The following PRPS2 variants were observed in gnomAD, a reference collection of about 807,000 sequenced individuals.
PRPS2 encodes the protein phosphoribosyl pyrophosphate synthetase 2.
For synonymous variants in PRPS2, 111 were observed against 115.3 expected (o/e 0.96, Z 0.24); for missense variants, 104 against 271.5 (o/e 0.38, Z 4.34).
At position 12,791,423 on chromosome X, in the gene PRPS2, C is replaced by T. The variant is rs1356804138; in HGVS notation, c.-75C>T. 18 of 1,126,562 alleles carry T rather than the reference C, an allele frequency of 1.6e-5. No homozygotes were observed. The highest frequency in any genetic ancestry group is 2.1e-5 in the Non-Finnish European group (18 of 845,409). The allele number at this position is 1,126,562 out of a possible 1,213,427, so 92.8% of individuals were successfully genotyped here. The stretch of plus-strand genomic sequence containing the variant: ...GCTTTCCCGCTCCCGCAGCAGCAGC[C>T]TCCCGCGTCGCTGTCGCTGTTGCCT... On this transcript the variant is annotated 5_prime_UTR_variant, in exon 1 of 7. Transcript: ENST00000380668.
intron 1 of PRPS2, among the ~76,000 whole-genome samples, chrX:12,793,735 G>A (rs1228285169): frequency 8.9e-6 from 1 of 112,281 alleles, no homozygotes; most frequent in Admixed American, 9.4e-5. Context: ...TTCATGTAAG[G>A]GCCCCTTCTT....
At chrX:12,805,307 T>G (rs1054540401) in intron 2 of PRPS2, among the ~76,000 whole-genome samples, 2 of 112,736 alleles carry the variant, frequency 1.8e-5, no homozygotes, top group Non-Finnish European at 3.7e-5. Context: ...TTTGTAAAAG[T>G]TACTTAAACT....
At chrX:12,815,065 G>C (rs2042640718) in intron 4 of PRPS2, among the ~76,000 whole-genome samples, 1 of 112,456 alleles carries the variant, frequency 8.9e-6, no homozygotes, top group South Asian at 3.7e-4. Context: ...TCATTTGTTA[G>C]GAGTATGTAT....
rs1062629 is a variant in PRPS2, at chrX:12,823,176, G to C, written c.*380G>C. On this transcript the variant is annotated 3_prime_UTR_variant, in exon 7 of 7. Coordinates refer to ENST00000380668, the MANE Select transcript of PRPS2 (RefSeq NM_002765.5). ...TTCGAGGTTGCCAAAGGTGACTTCAGATTAAAGCCTTCTGTGTAAATATAT... is the reference window on the plus strand; with the variant it reads ...TTCGAGGTTGCCAAAGGTGACTTCACATTAAAGCCTTCTGTGTAAATATAT... The C allele has an allele frequency of 1.1e-4, 16 of 147,221 alleles. No homozygotes were observed. The East Asian group carries it at 3.2e-3, about 29-fold the overall frequency. 12.1% of individuals were successfully genotyped at this position (147,221 alleles called of 1,213,427 possible).
intron 2 of PRPS2, among the ~76,000 whole-genome samples, chrX:12,800,718 C>T (rs1464464946): frequency 8.9e-6 from 1 of 111,758 alleles, no homozygotes; most frequent in Non-Finnish European, 1.9e-5. Flanking sequence ...TCTGAAGCAG[C>T]ACACAAGATC....
At chrX:12,793,294 C>G (rs1278598978) in intron 1 of PRPS2, among the ~76,000 whole-genome samples, 1 of 112,696 alleles carries the variant, frequency 8.9e-6, no homozygotes. Context: ...CATGGTTAAT[C>G]TAGATCAGTT....
chrX:12,822,908 A>C lies in PRPS2; in HGVS notation c.*112A>C. The C allele has an allele frequency of 1.8e-6, 1 of 545,328 alleles. No homozygotes were observed. The highest frequency in any genetic ancestry group is 3.1e-6 in the Non-Finnish European group (1 of 321,973). 44.9% of individuals were successfully genotyped at this position (545,328 alleles called of 1,213,427 possible). On this transcript the variant is annotated 3_prime_UTR_variant, in exon 7 of 7. Transcript: ENST00000380668. ...TGATAGGTTAATCACTGGCAAAAGC[A>C]TCAGATCTTTGTATATGCTAAGATT...
At chrX:12,822,093 G>A in intron 6 of PRPS2, among the ~76,000 whole-genome samples, 1 of 112,407 alleles carries the variant, frequency 8.9e-6, no homozygotes, top group Middle Eastern at 4.6e-3. Context: ...CAGTAGTTTA[G>A]GATGGGAGTT....
rs1279808689 is a variant in PRPS2 at position 12,819,667 on chromosome X, C to T, written c.691C>T (p.His231Tyr). Residue 231 changes from histidine (H) to tyrosine (Y), a missense_variant, in exon 5 of 7, where the codon CAT (histidine) becomes TAT (tyrosine). By Grantham distance (83) the His-to-Tyr change is moderately conservative. Transcript: ENST00000380668. Reference protein sequence around the residue: ...DMADTCGTICHAADKLLSAGA... With the variant: ...DMADTCGTICYAADKLLSAGA... The stretch of plus-strand genomic sequence containing the variant: ...GGCTGACACTTGCGGCACCATCTGC[C>T]ATGCTGCGGACAAGTACGCAGGGCG... The T allele has an allele frequency of 3.3e-6, 4 of 1,210,634 alleles. No individual in the cohort carries two copies. The highest frequency in any genetic ancestry group is 4.5e-6 in the Non-Finnish European group (4 of 894,812).
At chrX:12,804,826 G>A (rs1485574740) in intron 2 of PRPS2, among the ~76,000 whole-genome samples, 2 of 111,619 alleles carry the variant, frequency 1.8e-5, no homozygotes, top group South Asian at 3.8e-4. Flanking sequence ...CTGCACAGCC[G>A]CAGGAGGAGC....
rs1438324889 is a variant in PRPS2 at position 12,810,099 on chromosome X, G to A, written c.483G>A (p.Glu161=). The A allele has an allele frequency of 2.5e-6, 3 of 1,212,207 alleles. No homozygotes were observed. The part of the protein sequence containing the change: ...VLQWIRENIA[E]WKNCIIVSPD... ...AGTGGATTCGGGAAAACATTGCCGA[G>A]TGGAAGAACTGTATCATTGTTTCAC... The change falls in exon 4 of 7, where the codon GAG becomes GAA. Residue 161 remains glutamate, a synonymous_variant. Transcript: ENST00000380668.
intron 2 of PRPS2, among the ~76,000 whole-genome samples, chrX:12,800,669 T>A (rs1419485321): frequency 8.9e-6 from 1 of 112,010 alleles, no homozygotes; most frequent in Non-Finnish European, 1.9e-5. Context: ...AATATGCTGC[T>A]TTTTATCTCC....
At chrX:12,817,214 G>A (rs1374490637) in intron 4 of PRPS2, among the ~76,000 whole-genome samples, 2 of 110,768 alleles carry the variant, frequency 1.8e-5, no homozygotes, top group African/African-American at 3.3e-5. Flanking sequence ...TTGTGGTTTG[G>A]TGTCCCTGAA....
intron 1 of PRPS2, among the ~76,000 whole-genome samples, chrX:12,794,912 T>C (rs2042536376): frequency 8.9e-6 from 1 of 112,209 alleles, no homozygotes; most frequent in Non-Finnish European, 1.9e-5. Context: ...TTTTAGGCAG[T>C]GCTAGCACAT....
chrX:12,793,326 T>A (rs1182625653), intron 1 of PRPS2, among the ~76,000 whole-genome samples: 2 of 112,511 alleles, frequency 1.8e-5, no homozygotes, highest in East Asian at 5.5e-4. Flanking sequence ...CAGTGTTGAG[T>A]TTCTCCTAAA....
In PRPS2 at chrX:12,791,438, C is replaced by CGCTGTT; in HGVS notation, c.-57_-52dup. 2.6e-6 allele frequency: 3 copies of CGCTGTT among 1,162,695 alleles called. No homozygotes were observed. The highest frequency in any genetic ancestry group is 3.5e-6 in the Non-Finnish European group (3 of 867,940). On this transcript the variant is annotated 5_prime_UTR_variant, in exon 1 of 7. Transcript: ENST00000380668. ...CAGCAGCAGCCTCCCGCGTCGCTGT[C>CGCTGTT]GCTGTTGCCTCCGCCACCTCCTCCG...
At chrX:12,811,903 C>T (rs980702376) in intron 4 of PRPS2, among the ~76,000 whole-genome samples, 1 of 112,225 alleles carries the variant, frequency 8.9e-6, no homozygotes, top group Non-Finnish European at 1.9e-5. Context: ...AGCTGGAGAT[C>T]GGCCTCTGCC....
intron 2 of PRPS2, among the ~76,000 whole-genome samples, chrX:12,801,899 G>A (rs972687499): frequency 1.8e-5 from 2 of 112,411 alleles, no homozygotes; most frequent in Non-Finnish European, 3.8e-5. Context: ...ATGAGCTACC[G>A]CACCTGGCCT....
In PRPS2 at chrX:12,819,597, G is replaced by C; in HGVS notation, c.621G>C (p.Leu207=). 8.3e-7 allele frequency: 1 copy of C among 1,211,994 alleles called. No individual in the cohort carries two copies. The highest frequency in any genetic ancestry group is 1.1e-6 in the Non-Finnish European group (1 of 895,438). The change falls in exon 5 of 7, where the codon CTG becomes CTC. Residue 207 remains leucine, a synonymous_variant. Coordinates refer to ENST00000380668, the MANE Select transcript of PRPS2 (RefSeq NM_002765.5). ...KKANEVDRMV[L]VGDVKDRVAI... is the part of the protein sequence containing the mutation. Reference sequence around the variant, plus strand: ...CGAATGAAGTGGACCGGATGGTCCTGGTGGGCGACGTGAAGGACCGTGTGG... The same window carrying C: ...CGAATGAAGTGGACCGGATGGTCCTCGTGGGCGACGTGAAGGACCGTGTGG...
Sources: gnomAD v4.1 joint callset for allele counts (sites outside exome capture counted in the v4.1 genomes callset) on GRCh38, gnomAD v4.1.1 for gene constraint, MANE v1.5 for transcripts, NCBI Gene and HGNC (gene_info 2026-07-23, HGNC 2026-07-21) for gene names.